The following GRM4 variants were observed in gnomAD, a reference collection of about 807,000 sequenced individuals.
GRM4 encodes glutamate metabotropic receptor 4.
GRM4 carries 28 observed loss-of-function variants against 81.7 expected under a neutral mutation model. The observed-to-expected ratio is 0.34, with a 90% CI of 0.25 to 0.47. The LOEUF is 0.47. Ranked by LOEUF, GRM4 falls within the 20% of genes least tolerant of loss-of-function variation. The pLI is 1.00. For missense variants in GRM4, 948 were observed against 1,290.0 expected (o/e 0.73, Z 4.06); for synonymous variants, 488 against 528.8 (o/e 0.92, Z 1.06).
Position 34,034,503 on chromosome 6 carries a change from C to T in GRM4, c.2442+1165G>A, listed in dbSNP as rs996392226. On this transcript the variant is annotated intron_variant, in intron 9 of 10. Transcript: ENST00000538487. This position sits in a 1 kb window ranked among gnomAD's most constrained non-coding sequence, Gnocchi z 4.0. ...CCTTTTCAACCTACATCAGATAGCACCCTCACCTGCTCAGAAGCCTGCAGC... is the reference window on the plus strand; with the variant it reads ...CCTTTTCAACCTACATCAGATAGCATCCTCACCTGCTCAGAAGCCTGCAGC... 6.6e-6 allele frequency among the ~76,000 whole-genome samples: 1 copy of T among 152,214 alleles called. No individual in the cohort carries two copies. Among genetic ancestry groups the T allele is most frequent in the Admixed American group, 6.5e-5 (1 of 15,292 alleles).
intron 3 of GRM4, 195 bp from the exon 4 acceptor site, chr6:34,062,223 T>C: frequency 1.9e-6 from 1 of 514,282 alleles, no homozygotes; most frequent in Non-Finnish European, 3.4e-6. Flanking sequence ...TGGCTCCACT[T>C]ACCAGCTGGT....
chr6:34,072,887 TCACA>T (rs1178837981), intron 3 of GRM4, among the ~76,000 whole-genome samples: 11,329 of 36,050 alleles, frequency 0.31, 960 homozygotes, highest in African/African-American at 0.45. Flanking sequence ...CCACACATCA[TCACA>T]CAGATACCAC....
chr6:34,101,972 G>A, intron 2 of GRM4: 1 of 1,524,046 alleles, frequency 6.6e-7, no homozygotes. Flanking sequence ...GACCTCCACT[G>A]CCACCTGTGC....
chr6:34,112,826 G>A (rs974772840), intron 2 of GRM4, among the ~76,000 whole-genome samples: 17 of 152,050 alleles, frequency 1.1e-4, no homozygotes, highest in African/African-American at 3.9e-4. Flanking sequence ...TGCACCTCTC[G>A]GCCAGGGATG....
At chr6:34,058,460 T>C (rs1473190662) in intron 5 of GRM4, among the ~76,000 whole-genome samples, 1 of 152,086 alleles carries the variant, frequency 6.6e-6, no homozygotes, top group Non-Finnish European at 1.5e-5. Context: ...CTTCTCCCCA[T>C]GGTGAGGACT....
rs749553852 is a variant in GRM4, at chr6:34,040,132, G to A, written c.1506+46C>T. 3.8e-6 allele frequency: 6 copies of A among 1,594,962 alleles called. No individual in the cohort carries two copies. In the African/African-American group the frequency reaches 5.4e-5, roughly 14 times the overall value. ...CCTTGGGCCCCCCTCCCAGGGGCTG[G>A]AACTGCGTGAGTCACTCTCCACCCA... On this transcript the variant is annotated intron_variant, in intron 8 of 10. Coordinates refer to ENST00000538487, the MANE Select transcript of GRM4 (RefSeq NM_000841.4).
chr6:34,075,812 C>T (rs1008782118), intron 3 of GRM4, among the ~76,000 whole-genome samples: 5 of 152,324 alleles, frequency 3.3e-5, no homozygotes, highest in Admixed American at 3.3e-4. Flanking sequence ...TCCATCAGCC[C>T]ATGAGCCGCT....
At chr6:34,073,974 G>A (rs1378891913) in intron 3 of GRM4, among the ~76,000 whole-genome samples, 1 of 152,166 alleles carries the variant, frequency 6.6e-6, no homozygotes, top group Non-Finnish European at 1.5e-5. Flanking sequence ...GGGATGGCAC[G>A]GCTATTCATG....
At chr6:34,096,671 C>T (rs1561810225) in intron 2 of GRM4, among the ~76,000 whole-genome samples, 1 of 97,634 alleles carries the variant, frequency 1.0e-5, no homozygotes. Context: ...CTGGGCCCCC[C>T]GAAGAGGGGT....
chr6:34,092,841 C>G lies in GRM4; in HGVS notation c.520-742G>C, dbSNP rs543542527. Among the ~76,000 whole-genome samples, 33 of 151,928 alleles carry G rather than the reference C, an allele frequency of 2.2e-4. No individual in the cohort carries two copies. The East Asian group carries it at 5.3e-3, about 24-fold the overall frequency. On this transcript the variant is annotated intron_variant, in intron 2 of 10. Coordinates refer to ENST00000538487, the MANE Select transcript of GRM4 (RefSeq NM_000841.4). The surrounding 1 kb of genome is among the most constrained non-coding windows in gnomAD (Gnocchi z 6.8). ...CCGCCTCCACAGGCCCCACCTGGACCCTCCCCAGGCAGGAATGAGACTCAG... is the reference window on the plus strand; with the variant it reads ...CCGCCTCCACAGGCCCCACCTGGACGCTCCCCAGGCAGGAATGAGACTCAG...
rs943822422 is a variant in GRM4 at position 34,136,531 on chromosome 6, C to T, written c.-363-2672G>A. Among the ~76,000 whole-genome samples the T allele has an allele frequency of 3.3e-5, 5 of 149,714 alleles. No homozygotes were observed. Among genetic ancestry groups the T allele is most frequent in the Non-Finnish European group, 5.9e-5 (4 of 67,666 alleles). On this transcript the variant is annotated intron_variant, in intron 1 of 10. Coordinates refer to ENST00000538487, the MANE Select transcript of GRM4 (RefSeq NM_000841.4). This position sits in a 1 kb window ranked among gnomAD's most constrained non-coding sequence, Gnocchi z 4.1. ...CTGGCTTCTCCTTGAGGCCGGAGCACGTCTGGGCTGAGCAGTGCATGCGCG... is the reference window on the plus strand; with the variant it reads ...CTGGCTTCTCCTTGAGGCCGGAGCATGTCTGGGCTGAGCAGTGCATGCGCG...
At chr6:34,051,661 G>C (rs1018324119) in intron 6 of GRM4, among the ~76,000 whole-genome samples, 1 of 152,128 alleles carries the variant, frequency 6.6e-6, no homozygotes, top group Admixed American at 6.5e-5. Context: ...GAGGAGGCAG[G>C]CGCTATCTTC....
chr6:34,041,545 G>A (rs1765021519), intron 6 of GRM4, among the ~76,000 whole-genome samples: 1 of 152,120 alleles, frequency 6.6e-6, no homozygotes, highest in Non-Finnish European at 1.5e-5. Flanking sequence ...TCTGCTCTGG[G>A]GCCCTGTGCA....
chr6:34,105,495 C>T (rs192096401), intron 2 of GRM4, among the ~76,000 whole-genome samples: 18 of 152,232 alleles, frequency 1.2e-4, no homozygotes, highest in African/African-American at 3.4e-4. Context: ...CCGCTCCTGG[C>T]GCTCCTTGTC....
chr6:34,145,875 C>G (rs1770909915), intron 1 of GRM4, 125 bp downstream of exon 1: 1 of 483,502 alleles, frequency 2.1e-6, no homozygotes, highest in East Asian at 1.5e-4. Flanking sequence ...CCAGGGCTCT[C>G]GCGGCGCTCC....
At chr6:34,101,277 T>C (rs1768823505) in intron 2 of GRM4, among the ~76,000 whole-genome samples, 1 of 152,204 alleles carries the variant, frequency 6.6e-6, no homozygotes, top group Non-Finnish European at 1.5e-5. Flanking sequence ...CCTTCAATCT[T>C]ACCATAGTCC....
intron 6 of GRM4, among the ~76,000 whole-genome samples, chr6:34,044,889 T>C (rs12664932): frequency 0.31 from 39,794 of 126,648 alleles, 6,693 homozygotes; most frequent in African/African-American, 0.49. Flanking sequence ...TATACAGACA[T>C]ACACATACAC....
chr6:34,022,804 T>C lies in GRM4; in HGVS notation c.*17A>G, dbSNP rs1763945949. On this transcript the variant is annotated 3_prime_UTR_variant, in exon 11 of 11. Transcript: ENST00000538487. The surrounding 1 kb of genome is among the most constrained non-coding windows in gnomAD (Gnocchi z 5.6). ...GGGTCACGGCTCCTCCTCCTGCTGC[T>C]CAGCTCCATGGACTCGCTAGATTGC... 3 of 1,610,774 alleles carry C rather than the reference T, an allele frequency of 1.9e-6. No homozygotes were observed. Among genetic ancestry groups the C allele is most frequent in the Non-Finnish European group, 2.5e-6 (3 of 1,176,978 alleles).
chr6:34,093,513 G>T (rs184863149), intron 2 of GRM4, among the ~76,000 whole-genome samples: 1 of 152,206 alleles, frequency 6.6e-6, no homozygotes, highest in African/African-American at 2.4e-5. Context: ...ACAAGTGACC[G>T]GGACCATTCT....
Sources: allele counts gnomAD v4.1 joint callset (sites outside exome capture counted in the v4.1 genomes callset), GRCh38; gene constraint gnomAD v4.1.1; non-coding constraint Gnocchi (gnomAD v3.1); transcripts MANE v1.5; gene names NCBI Gene and HGNC (gene_info 2026-07-23, HGNC 2026-07-21).